Variants in SPAG16 observed in about 807,000 individuals in gnomAD.
SPAG16 encodes sperm associated antigen 16, also known as sperm-associated antigen 16 protein.
A neutral mutation model predicts 80.4 loss-of-function variants in SPAG16; 86 were observed. That is an observed-to-expected ratio of 1.07 (90% CI 0.90 to 1.28). SPAG16 has a LOEUF of 1.28. Among genes scored for constraint, SPAG16 ranks in the 50% most tolerant of loss-of-function variants. The probability of loss-of-function intolerance (pLI) is 0.00; values close to 1 mark genes in which losing one functional copy is unlikely to be tolerated. For missense variants in SPAG16, 870 were observed against 765.3 expected, an observed-to-expected ratio of 1.14 and a Z score of -1.61; for synonymous variants, 294 against 265.9, an observed-to-expected ratio of 1.11 and a Z score of -1.03.
At chr2:214,274,938 G>T (rs1184002859) in intron 15 of SPAG16, among the ~76,000 whole-genome samples, 1 of 152,030 alleles carries the variant, frequency 6.6e-6, no homozygotes, top group Non-Finnish European at 1.5e-5. Context: ...AACTTTTTTT[G>T]GTTGGTAGGC....
At chr2:214,191,822 A>G (rs912705615) in intron 15 of SPAG16, among the ~76,000 whole-genome samples, 20 of 151,966 alleles carry the variant, frequency 1.3e-4, no homozygotes, top group African/African-American at 4.6e-4. Context: ...ATTTCCGTAT[A>G]GTTATGTGTC....
intron 9 of SPAG16, among the ~76,000 whole-genome samples, chr2:213,385,397 T>C (rs1386638256): frequency 1.3e-5 from 2 of 152,182 alleles, no homozygotes; most frequent in African/African-American, 4.8e-5. Flanking sequence ...CTCTGCCTTG[T>C]CCAACTTTAT....
chr2:213,803,389 T>C (rs1187712675), intron 10 of SPAG16, among the ~76,000 whole-genome samples: 3 of 152,136 alleles, frequency 2.0e-5, no homozygotes, highest in African/African-American at 4.8e-5. Context: ...ATGTTCTTTA[T>C]CCTAAGGGGG....
At chr2:213,369,022 G>C (rs1437646215) in intron 8 of SPAG16, among the ~76,000 whole-genome samples, 1 of 152,028 alleles carries the variant, frequency 6.6e-6, no homozygotes, top group East Asian at 1.9e-4. Flanking sequence ...TACAAATACA[G>C]GCTGATTTCT....
chr2:213,728,876 C>CAAAAAAAAAAAAAAAAAAA lies in SPAG16; in HGVS notation c.1071-133582_1071-133564dup, dbSNP rs58070679. Among the ~76,000 whole-genome samples the CAAAAAAAAAAAAAAAAAAA allele has an allele frequency of 8.2e-4, 48 of 58,456 alleles. 1 individual carries two copies. Among genetic ancestry groups the CAAAAAAAAAAAAAAAAAAA allele is most frequent in the Non-Finnish European group, 1.1e-3 (37 of 34,760 alleles). The allele number at this position is 58,456 out of a possible 152,430, so 38.3% of individuals were successfully genotyped here. On this transcript the variant is annotated intron_variant, in intron 10 of 15. Transcript: ENST00000331683. ...TGGGCGACAGAGTGAGACTCCGTCT[C>CAAAAAAAAAAAAAAAAAAA]AAAAAAAAAAAAAAAAAAAAAAAAA...
intron 15 of SPAG16, among the ~76,000 whole-genome samples, chr2:214,355,845 A>G (rs1443656237): frequency 2.0e-5 from 3 of 151,608 alleles, no homozygotes; most frequent in Non-Finnish European, 4.4e-5. Context: ...ATGCAGCCAT[A>G]AAAAATGATG....
intron 10 of SPAG16, among the ~76,000 whole-genome samples, chr2:213,814,094 A>G (rs1484625586): frequency 6.6e-6 from 1 of 152,186 alleles, no homozygotes; most frequent in African/African-American, 2.4e-5. Flanking sequence ...AAATTTACTG[A>G]CATTTTTATG....
At chr2:213,293,148 A>G (rs183694801) in intron 1 of SPAG16, among the ~76,000 whole-genome samples, 72 of 152,294 alleles carry the variant, frequency 4.7e-4, no homozygotes, top group African/African-American at 1.7e-3. Context: ...AGTGTCTGGC[A>G]TTTCCACTGC....
intron 15 of SPAG16, among the ~76,000 whole-genome samples, chr2:214,359,395 G>A (rs1259298173): frequency 6.6e-6 from 1 of 151,800 alleles, no homozygotes; most frequent in Non-Finnish European, 1.5e-5. Flanking sequence ...ATTTGGGAAG[G>A]CAGTATTTTT....
chr2:213,356,975 C>T lies in SPAG16; in HGVS notation c.762+6330C>T, dbSNP rs138505160. ...CTTTGTTCTCATTGATTTCAAAGAA[C>T]GTCTTTATTTCTGCCTTAATTTCGT... On this transcript the variant is annotated intron_variant, in intron 7 of 15. Transcript: ENST00000331683. Among the ~76,000 whole-genome samples, 271 of 152,188 alleles carry T rather than the reference C, an allele frequency of 1.8e-3. 1 individual carries two copies. The East Asian group carries it at 0.025, about 14-fold the overall frequency.
intron 6 of SPAG16, among the ~76,000 whole-genome samples, chr2:213,349,673 C>A: frequency 6.6e-6 from 1 of 152,050 alleles, no homozygotes; most frequent in South Asian, 2.1e-4. Flanking sequence ...ATTGGATAAC[C>A]ACATTGTGGA....
intron 10 of SPAG16, among the ~76,000 whole-genome samples, chr2:213,609,509 A>G (rs1407304843): frequency 2.0e-5 from 3 of 152,294 alleles, no homozygotes; most frequent in Admixed American, 2.0e-4. Flanking sequence ...GTTTTCTTAC[A>G]TACCACAGTG....
chr2:213,371,004 C>T (rs1376228248), intron 8 of SPAG16, among the ~76,000 whole-genome samples: 1 of 152,154 alleles, frequency 6.6e-6, no homozygotes, highest in African/African-American at 2.4e-5. Context: ...GTTTTAGATA[C>T]AGAACTTGAA....
At chr2:213,757,755 C>G (rs1167712273) in intron 10 of SPAG16, among the ~76,000 whole-genome samples, 1 of 152,086 alleles carries the variant, frequency 6.6e-6, no homozygotes, top group Non-Finnish European at 1.5e-5. Flanking sequence ...GCAGTCTGCA[C>G]AGAGCATGCA....
At chr2:213,811,747 G>C (rs1293767680) in intron 10 of SPAG16, among the ~76,000 whole-genome samples, 1 of 152,064 alleles carries the variant, frequency 6.6e-6, no homozygotes. Flanking sequence ...ATTTTTGCTG[G>C]TATAATTTAT....
At chr2:213,937,552 A>T (rs2079038847) in intron 12 of SPAG16, among the ~76,000 whole-genome samples, 1 of 152,038 alleles carries the variant, frequency 6.6e-6, no homozygotes, top group Admixed American at 6.6e-5. Context: ...TTTCCCCTTG[A>T]CATATGGGCT....
intron 10 of SPAG16, among the ~76,000 whole-genome samples, chr2:213,525,910 A>G (rs1454666946): frequency 6.6e-6 from 1 of 152,116 alleles, no homozygotes; most frequent in African/African-American, 2.4e-5. Flanking sequence ...TAGGTTGTAC[A>G]TGTGTTTCAT....
intron 15 of SPAG16, among the ~76,000 whole-genome samples, chr2:214,226,090 A>G (rs74538156): frequency 0.018 from 2,735 of 152,204 alleles, 52 homozygotes; most frequent in African/African-American, 0.043. Flanking sequence ...ACTGCATAAC[A>G]TACTACTTCA....
At chr2:213,320,081 T>C (rs552147254) in intron 5 of SPAG16, among the ~76,000 whole-genome samples, 32 of 152,120 alleles carry the variant, frequency 2.1e-4, no homozygotes, top group African/African-American at 7.7e-4. Flanking sequence ...CTTTATTTTG[T>C]TGAGTGGATA....
Sources: allele counts gnomAD v4.1 joint callset (sites outside exome capture counted in the v4.1 genomes callset), GRCh38; gene constraint gnomAD v4.1.1; transcripts MANE v1.5; gene names NCBI Gene and HGNC (gene_info 2026-07-23, HGNC 2026-07-21).